The following CCSER1 variants were observed in gnomAD, a reference collection of about 807,000 sequenced individuals.
CCSER1 encodes the protein serine-rich coiled-coil domain-containing protein 1.
A neutral mutation model predicts 82.0 loss-of-function variants in CCSER1; 41 were observed. That is an observed-to-expected ratio of 0.50 (90% CI 0.39 to 0.65). The LOEUF (loss-of-function observed/expected upper bound fraction) is 0.65. Ranked by LOEUF, CCSER1 falls within the 30% of genes least tolerant of loss-of-function variation. The pLI, the probability that CCSER1 is intolerant of heterozygous loss-of-function variation, is 0.00. For synonymous variants in CCSER1, 414 were observed against 383.9 expected, an observed-to-expected ratio of 1.08 and a Z score of -0.92; for missense variants, 1,119 against 1,064.2, an observed-to-expected ratio of 1.05 and a Z score of -0.72.
At chr4:91,221,072 T>C (rs2149099661) in intron 10 of CCSER1, among the ~76,000 whole-genome samples, 1 of 152,238 alleles carries the variant, frequency 6.6e-6, no homozygotes, top group Non-Finnish European at 1.5e-5. Context: ...TAAAATTCTG[T>C]GAGATAAAAA....
At chr4:91,387,959 T>A (rs958399430) in intron 10 of CCSER1, among the ~76,000 whole-genome samples, 1 of 152,134 alleles carries the variant, frequency 6.6e-6, no homozygotes, top group African/African-American at 2.4e-5. Context: ...CTTGCAGTAT[T>A]GACAGCAATT....
rs188306340 is a variant in CCSER1, at chr4:91,583,030, G to A, written c.2218-15542G>A. On this transcript the variant is annotated intron_variant, in intron 10 of 10. Transcript: ENST00000509176. ...GTATATCGTTGTATAGTCCACTTAAGCCTAAACTATATATGAAAGCCATGA... is the reference window on the plus strand; with the variant it reads ...GTATATCGTTGTATAGTCCACTTAAACCTAAACTATATATGAAAGCCATGA... Among the ~76,000 whole-genome samples the A allele has an allele frequency of 3.0e-4, 45 of 151,426 alleles. No homozygotes were observed. The East Asian group carries it at 8.4e-3, about 28-fold the overall frequency.
chr4:91,505,126 G>A (rs1423453973), intron 10 of CCSER1, among the ~76,000 whole-genome samples: 3 of 152,024 alleles, frequency 2.0e-5, no homozygotes, highest in South Asian at 4.2e-4. Flanking sequence ...AGTGTGTGGT[G>A]TTCCCTTCCC....
At chr4:91,412,330 G>T (rs1189229540) in intron 10 of CCSER1, among the ~76,000 whole-genome samples, 1 of 151,914 alleles carries the variant, frequency 6.6e-6, no homozygotes, top group Non-Finnish European at 1.5e-5. Context: ...TGTGAGCCAT[G>T]AAACAGCTGT....
chr4:91,558,228 C>T (rs1455411934), intron 10 of CCSER1, among the ~76,000 whole-genome samples: 1 of 151,140 alleles, frequency 6.6e-6, no homozygotes, highest in Non-Finnish European at 1.5e-5. Context: ...CTTCATTGAT[C>T]CAAAAAACAA....
At chr4:90,821,587 G>A (rs1759727542) in intron 8 of CCSER1, among the ~76,000 whole-genome samples, 1 of 152,084 alleles carries the variant, frequency 6.6e-6, no homozygotes, top group South Asian at 2.1e-4. Context: ...AATTTATTAA[G>A]ATATTTAAAG....
Position 90,382,584 on chromosome 4 carries a change from A to G in CCSER1, c.1510-17452A>G, listed in dbSNP as rs374047691. On this transcript the variant is annotated intron_variant, in intron 3 of 10. Transcript: ENST00000509176. ...TATAATTCTTTTCAGAAAATGGAAT[A>G]TAAAGTTAGTCTTTCAAATGAATGG... 2.6e-5 allele frequency among the ~76,000 whole-genome samples: 4 copies of G among 152,214 alleles called. No individual in the cohort carries two copies. In the South Asian group the frequency reaches 6.2e-4, roughly 24 times the overall value.
chr4:90,169,962 C>G (rs1731315709), intron 1 of CCSER1, among the ~76,000 whole-genome samples: 1 of 151,884 alleles, frequency 6.6e-6, no homozygotes. Context: ...TCCCCATCCT[C>G]CCTTTTCTAT....
chr4:90,590,672 C>A (rs934586843), intron 5 of CCSER1, among the ~76,000 whole-genome samples: 1 of 151,868 alleles, frequency 6.6e-6, no homozygotes, highest in Non-Finnish European at 1.5e-5. Context: ...TGTTTTGGTA[C>A]CAGTACCATG....
chr4:91,340,484 G>A (rs1747640661), intron 10 of CCSER1, among the ~76,000 whole-genome samples: 1 of 152,180 alleles, frequency 6.6e-6, no homozygotes, highest in Admixed American at 6.5e-5. Context: ...TGTAGCCTTT[G>A]AGAAGAATAT....
At chr4:90,294,918 T>A (rs1222054674) in intron 1 of CCSER1, among the ~76,000 whole-genome samples, 1 of 152,014 alleles carries the variant, frequency 6.6e-6, no homozygotes, top group Admixed American at 6.6e-5. Flanking sequence ...TACATACTAT[T>A]TGATAATAAA....
At chr4:91,312,979 G>A (rs1322050129) in intron 10 of CCSER1, among the ~76,000 whole-genome samples, 2 of 151,788 alleles carry the variant, frequency 1.3e-5, no homozygotes, top group African/African-American at 4.8e-5. Context: ...CCCTTTCCAA[G>A]ATTAAAAAAT....
At chr4:90,963,693 G>A (rs755740276) in intron 9 of CCSER1, among the ~76,000 whole-genome samples, 10 of 151,958 alleles carry the variant, frequency 6.6e-5, no homozygotes, top group Non-Finnish European at 1.2e-4. Flanking sequence ...CAGACCTGCT[G>A]ACACCTTGAT....
intron 10 of CCSER1, among the ~76,000 whole-genome samples, chr4:91,446,210 C>CT (rs5860236): frequency 0.82 from 123,885 of 151,898 alleles, 50,818 homozygotes; most frequent in East Asian, 0.92. Flanking sequence ...ATTCCTCATA[C>CT]TTTTTTGCCA....
chr4:90,251,160 G>C (rs1015388438), intron 1 of CCSER1, among the ~76,000 whole-genome samples: 1 of 151,818 alleles, frequency 6.6e-6, no homozygotes, highest in Non-Finnish European at 1.5e-5. Context: ...TTTGCAAATA[G>C]AGGTACATTT....
Position 91,173,335 on chromosome 4 carries a change from C to T in CCSER1, c.2217+87341C>T, listed in dbSNP as rs547961607. Among the ~76,000 whole-genome samples, 141 of 152,204 alleles carry T rather than the reference C, an allele frequency of 9.3e-4. 1 individual carries two copies. Among genetic ancestry groups the T allele is most frequent in the African/African-American group, 3.2e-3 (135 of 41,548 alleles). On this transcript the variant is annotated intron_variant, in intron 10 of 10. Transcript: ENST00000509176. ...AGGGGCCAGGCGCAGTGGTTCACAC[C>T]GGTAATCCCAGCACTTTGGGAGACC...
intron 10 of CCSER1, among the ~76,000 whole-genome samples, chr4:91,222,421 A>C (rs1737828891): frequency 6.6e-6 from 1 of 152,172 alleles, no homozygotes; most frequent in Non-Finnish European, 1.5e-5. Flanking sequence ...AGAGAGGTAA[A>C]AATGTTCAAT....
chr4:91,595,306 C>A (rs1046848258), intron 10 of CCSER1, among the ~76,000 whole-genome samples: 1 of 152,238 alleles, frequency 6.6e-6, no homozygotes, highest in Admixed American at 6.5e-5. Flanking sequence ...CCTAAGAACA[C>A]TCCCCAATAC....
chr4:90,856,192 G>T (rs1278683137), intron 8 of CCSER1, among the ~76,000 whole-genome samples: 1 of 152,038 alleles, frequency 6.6e-6, no homozygotes, highest in African/African-American at 2.4e-5. Flanking sequence ...CTCAACACAT[G>T]AGTCATATAC....
Sources: gnomAD v4.1 joint callset for allele counts (sites outside exome capture counted in the v4.1 genomes callset) on GRCh38, gnomAD v4.1.1 for gene constraint, MANE v1.5 for transcripts, NCBI Gene and HGNC (gene_info 2026-07-23, HGNC 2026-07-21) for gene names.